Variants in EIF4G2 observed in about 807,000 individuals in gnomAD.
EIF4G2 encodes the protein DAP-5.
Under a neutral mutation model 117.7 loss-of-function variants are expected in EIF4G2, and 8 were observed. The ratio of observed to expected loss-of-function variants is 0.07; its 90% CI spans 0.04 to 0.12. The LOEUF is 0.12. Among genes scored for constraint, EIF4G2 ranks in the 10% least tolerant of loss-of-function variants. The pLI is 1.00. For missense variants in EIF4G2, 812 were observed against 1,086.2 expected (o/e 0.75, Z 3.55); for synonymous variants, 413 against 367.8 (o/e 1.12, Z -1.41).
intron 13 of EIF4G2, 86 bp from the exon 14 acceptor site, chr11:10,801,860 A>G: frequency 7.4e-7 from 1 of 1,346,962 alleles, no homozygotes; most frequent in Non-Finnish European, 1.0e-6. Flanking sequence ...GAGCCAAGCC[A>G]TAAAGTTAGT....
At chr11:10,798,033 A>C in intron 21 of EIF4G2, 152 bp from the exon 22 acceptor site, 1 of 684,178 alleles carries the variant, frequency 1.5e-6, no homozygotes, top group South Asian at 1.8e-5. Context: ...GTGGTATATT[A>C]TCCAGATTTG....
At chr11:10,806,733 T>C in intron 3 of EIF4G2, 87 bp downstream of exon 3, 1 of 1,426,036 alleles carries the variant, frequency 7.0e-7, no homozygotes, top group South Asian at 1.2e-5. Context: ...GGAGTCTTGA[T>C]GGCTATTGCC....
chr11:10,806,760 A>G, intron 3 of EIF4G2, 60 bp downstream of exon 3: 1 of 1,583,642 alleles, frequency 6.3e-7, no homozygotes, highest in Admixed American at 1.7e-5. Context: ...ATACCGTCAC[A>G]TGGGAAAGAC....
At chr11:10,798,945 C>T (rs763682831) in intron 21 of EIF4G2, 47 bp downstream of exon 21, 1 of 1,573,374 alleles carries the variant, frequency 6.4e-7, no homozygotes, top group Non-Finnish European at 8.6e-7. Flanking sequence ...GAAGTTAATA[C>T]CAAGCAAACT....
chr11:10,801,170 A>G (rs549528199), intron 14 of EIF4G2, 83 bp from the exon 15 acceptor site: 15 of 1,546,798 alleles, frequency 9.7e-6, no homozygotes, highest in African/African-American at 1.4e-5. Flanking sequence ...AATCCTATAC[A>G]GTGACAGAAT....
At chr11:10,801,584 G>T (rs547368690) in intron 14 of EIF4G2, 77 bp downstream of exon 14, 1 of 1,271,072 alleles carries the variant, frequency 7.9e-7, no homozygotes, top group Non-Finnish European at 1.2e-6. Context: ...TCTTAATAAC[G>T]CGTCTTTTTA....
chr11:10,802,489 A>C (rs768593379), intron 11 of EIF4G2, 54 bp from the exon 12 acceptor site: 1 of 1,485,264 alleles, frequency 6.7e-7, no homozygotes, highest in Admixed American at 2.5e-5. Context: ...ATTTCACTTA[A>C]AACTAAAATT....
chr11:10,798,064 T>C (rs1847308403), intron 21 of EIF4G2, among the ~76,000 whole-genome samples, 183 bp from the exon 22 acceptor site: 1 of 152,228 alleles, frequency 6.6e-6, no homozygotes, highest in Admixed American at 6.5e-5. Flanking sequence ...GAGCTAAAGA[T>C]TTAATCCTGC....
At chr11:10,802,667 A>C (rs1022974762) in intron 11 of EIF4G2, among the ~76,000 whole-genome samples, 1 of 152,214 alleles carries the variant, frequency 6.6e-6, no homozygotes, top group African/African-American at 2.4e-5. Flanking sequence ...GGAGTTCAAG[A>C]CAAGCCTGGC....
Position 10,797,843 on chromosome 11 carries a change from T to C in EIF4G2, c.2697A>G (p.Glu899=), listed in dbSNP as rs1262011600. 6.2e-7 allele frequency: 1 copy of C among 1,613,938 alleles called. No homozygotes were observed. The highest frequency in any genetic ancestry group is 1.3e-5 in the African/African-American group (1 of 74,936). ...AGTCAGCTTCTTCCTCTGATTCTTC[T>C]TCTTCAGCAGTTTCTAACCAGGTTA... Residue 899 remains glutamate (E), a synonymous_variant, in exon 22 of 22, where the codon GAA becomes GAG. Transcript: ENST00000339995. This position sits in a 1 kb window ranked among gnomAD's most constrained non-coding sequence, Gnocchi z 4.5.
At chr11:10,807,615 T>A in intron 1 of EIF4G2, 1 of 1,122,346 alleles carries the variant, frequency 8.9e-7, no homozygotes, top group South Asian at 3.5e-5. Flanking sequence ...TTTAAACGGC[T>A]CAGAACGAAT....
chr11:10,807,599 G>A lies in EIF4G2; in HGVS notation c.-86-218C>T. 4 of 1,183,834 alleles carry A rather than the reference G, an allele frequency of 3.4e-6. No individual in the cohort carries two copies. In the South Asian group the frequency reaches 1.2e-4, roughly 34 times the overall value. The allele number at this position is 1,183,834 out of a possible 1,614,324, so 73.3% of individuals were successfully genotyped here. A position where few individuals can be genotyped will look rare whatever the true frequency, so the allele number is the denominator to read the frequency against. On this transcript the variant is annotated intron_variant, in intron 1 of 21. Transcript: ENST00000339995. ...TGCAAAGAGACTTCGTAGAACACAA[G>A]AGCATTTTAAACGGCTCAGAACGAA...
chr11:10,799,016 C>T lies in EIF4G2; in HGVS notation c.2634G>A (p.Pro878=), dbSNP rs767294764. 29 of 1,609,914 alleles carry T rather than the reference C, an allele frequency of 1.8e-5. No homozygotes were observed. The highest frequency in any genetic ancestry group is 4.5e-5 in the East Asian group (2 of 44,862). ...CCTGGAACAAAGCCTTGCCTTTTCC[C>T]GGAAACTCTTGGGTTATATCTTCTT... is the stretch of plus-strand genomic sequence containing the variant. The change falls in exon 21 of 22, where the codon CCG becomes CCA. Residue 878 remains proline (P), a synonymous_variant. Coordinates refer to ENST00000339995, the MANE Select transcript of EIF4G2 (RefSeq NM_001418.4).
In EIF4G2 at chr11:10,799,710, C is replaced by T. The variant is rs1027231163; in HGVS notation, c.2166G>A (p.Lys722=). The change falls in exon 19 of 22, where the codon AAG becomes AAA. Residue 722 remains lysine (K), a synonymous_variant. Coordinates refer to ENST00000339995, the MANE Select transcript of EIF4G2 (RefSeq NM_001418.4). ...GGAGTGGGAATAAGAAACTCAGTCC[C>T]TTTCCTTCCAAAATCTCCAACATGC... 3.1e-6 allele frequency: 5 copies of T among 1,614,076 alleles called. No individual in the cohort carries two copies. Among genetic ancestry groups the T allele is most frequent in the Non-Finnish European group, 4.2e-6 (5 of 1,180,006 alleles).
intron 1 of EIF4G2, chr11:10,807,845 G>C: frequency 1.0e-6 from 1 of 989,250 alleles, no homozygotes; most frequent in South Asian, 4.5e-5. Context: ...CTCGTGGAAA[G>C]ACGCGCGAGA....
chr11:10,808,525 AG>A, intron 1 of EIF4G2, 179 bp downstream of exon 1: 1 of 1,192,674 alleles, frequency 8.4e-7, no homozygotes, highest in Non-Finnish European at 1.1e-6. Context: ...CGTCAGCAAC[AG>A]GAAGAGAGAA....
intron 11 of EIF4G2, 31 bp from the exon 12 acceptor site, chr11:10,802,466 G>C: frequency 6.5e-7 from 1 of 1,527,348 alleles, no homozygotes; most frequent in Non-Finnish European, 8.8e-7. Flanking sequence ...TGCACTTTTT[G>C]TCTCTGGACA....
chr11:10,799,232 A>G lies in EIF4G2; in HGVS notation c.2517T>C (p.Tyr839=), dbSNP rs746235718. 5.6e-6 allele frequency: 9 copies of G among 1,614,100 alleles called. No individual in the cohort carries two copies. The highest frequency in any genetic ancestry group is 3.3e-5 in the Admixed American group (2 of 60,014). ...TCTCACCTTTTGGGAAGTTGCTGTT[A>G]TAGCAGTGCACCTGGAGAGCATACA... Residue 839 remains tyrosine (Y), a synonymous_variant, in exon 20 of 22, where the codon TAT becomes TAC. Transcript: ENST00000339995.
At chr11:10,801,165 T>C (rs1224662421) in intron 14 of EIF4G2, 78 bp from the exon 15 acceptor site, 15 of 1,560,894 alleles carry the variant, frequency 9.6e-6, no homozygotes, top group Non-Finnish European at 1.3e-5. Context: ...TCTAAAATCC[T>C]ATACAGTGAC....
Sources: gnomAD v4.1 joint callset for allele counts (sites outside exome capture counted in the v4.1 genomes callset) on GRCh38, gnomAD v4.1.1 for gene constraint, Gnocchi (gnomAD v3.1) non-coding constraint, MANE v1.5 for transcripts, NCBI Gene and HGNC (gene_info 2026-07-23, HGNC 2026-07-21) for gene names.